PSD3: variants seen among roughly 807,000 people sequenced by gnomAD.
PSD3 encodes pleckstrin and Sec7 domain containing 3.
PSD3 carries 49 observed loss-of-function variants against 105.5 expected under a neutral mutation model. The ratio of observed to expected loss-of-function variants is 0.46; its 90% CI spans 0.37 to 0.59. PSD3 has a LOEUF of 0.59. Among genes scored for constraint, PSD3 ranks in the 20% least tolerant of loss-of-function variants. PSD3 has a pLI of 0.00. For synonymous variants in PSD3, 557 were observed against 457.8 expected, an observed-to-expected ratio of 1.22 and a Z score of -2.77; for missense variants, 1,561 against 1,263.8, an observed-to-expected ratio of 1.24 and a Z score of -3.57.
At chr8:18,834,708 G>C (rs941668142) in intron 4 of PSD3, among the ~76,000 whole-genome samples, 1 of 152,168 alleles carries the variant, frequency 6.6e-6, no homozygotes, top group African/African-American at 2.4e-5. Context: ...GTAGAATGAA[G>C]AGTTATATAG....
intron 1 of PSD3, among the ~76,000 whole-genome samples, chr8:19,007,831 A>AT (rs1317213479): frequency 6.6e-6 from 1 of 151,920 alleles, no homozygotes; most frequent in Non-Finnish European, 1.5e-5. Context: ...TTCAAGGGAG[A>AT]TTTTTTATTT....
At chr8:18,803,893 C>A (rs758736190) in intron 6 of PSD3, among the ~76,000 whole-genome samples, 2 of 151,902 alleles carry the variant, frequency 1.3e-5, no homozygotes, top group Admixed American at 6.6e-5. Context: ...GTTTTTAATG[C>A]CACTCATTGT....
At chr8:18,631,774 C>A (rs868142760) in intron 11 of PSD3, among the ~76,000 whole-genome samples, 14 of 151,900 alleles carry the variant, frequency 9.2e-5, no homozygotes, top group African/African-American at 2.7e-4. Flanking sequence ...GTCAAAGCCA[C>A]CCCACTGCAA....
chr8:18,584,934 T>C (rs1485712128), intron 12 of PSD3, among the ~76,000 whole-genome samples: 10 of 152,182 alleles, frequency 6.6e-5, no homozygotes, highest in East Asian at 1.9e-4. Context: ...CGGAGGCATG[T>C]GTCTGATCTT....
intron 9 of PSD3, among the ~76,000 whole-genome samples, chr8:18,657,396 T>C (rs540126845): frequency 6.6e-6 from 1 of 152,240 alleles, no homozygotes; most frequent in Non-Finnish European, 1.5e-5. Context: ...AAGTTCTCAA[T>C]TGTGGCTTCA....
rs1001831028 is a variant in PSD3, at chr8:18,603,796, G to A, written c.2411-3362C>T. Among the ~76,000 whole-genome samples the A allele has an allele frequency of 6.6e-5, 10 of 152,100 alleles. No homozygotes were observed. The East Asian group carries it at 7.7e-4, about 12-fold the overall frequency. ...GTTGTTTAAAAGTGTGTAGCACCTC[G>A]CCCAGTTTGCTTGCTCCTTCTCTGG... On this transcript the variant is annotated intron_variant, in intron 11 of 15. Coordinates refer to ENST00000327040, the MANE Select transcript of PSD3 (RefSeq NM_015310.4).
chr8:19,069,050 A>T (rs534719629), intron 1 of PSD3, among the ~76,000 whole-genome samples: 33 of 152,248 alleles, frequency 2.2e-4, no homozygotes, highest in Admixed American at 2.0e-3. Context: ...GGCTATTCAA[A>T]CTAACGTCAA....
At chr8:18,800,070 T>C (rs1402104479) in intron 7 of PSD3, among the ~76,000 whole-genome samples, 1 of 152,222 alleles carries the variant, frequency 6.6e-6, no homozygotes, top group Non-Finnish European at 1.5e-5. Flanking sequence ...AGTACCACTT[T>C]ATTATCACAA....
intron 1 of PSD3, among the ~76,000 whole-genome samples, chr8:19,046,896 A>T (rs1828337596): frequency 6.6e-6 from 1 of 152,196 alleles, no homozygotes. Flanking sequence ...CAGCAGCAAA[A>T]TTCTCAAGTT....
At chr8:18,596,809 T>A (rs956190697) in intron 12 of PSD3, among the ~76,000 whole-genome samples, 4 of 152,054 alleles carry the variant, frequency 2.6e-5, no homozygotes, top group African/African-American at 9.7e-5. Context: ...TCTGTAATAA[T>A]AAGGGGATTG....
intron 1 of PSD3, chr8:18,999,934 T>C (rs1286680671): frequency 6.6e-6 from 1 of 151,032 alleles, no homozygotes; most frequent in Non-Finnish European, 1.5e-5. Context: ...GCCTGTCAAG[T>C]TCTTTTAAAT....
At chr8:18,678,009 C>CAAAAA (rs11404371) in intron 9 of PSD3, among the ~76,000 whole-genome samples, 7 of 134,800 alleles carry the variant, frequency 5.2e-5, no homozygotes, top group East Asian at 4.3e-4. Flanking sequence ...GACTCTGTCT[C>CAAAAA]AAAAAAAAAA....
At chr8:18,577,771 T>A (rs184377567) in intron 12 of PSD3, among the ~76,000 whole-genome samples, 14 of 152,196 alleles carry the variant, frequency 9.2e-5, no homozygotes, top group Non-Finnish European at 1.5e-4. Context: ...GTGTTATGCA[T>A]TTTCTGTTTC....
chr8:18,917,544 G>A (rs868539948), intron 2 of PSD3, among the ~76,000 whole-genome samples: 6 of 152,104 alleles, frequency 3.9e-5, no homozygotes, highest in Admixed American at 6.5e-5. Flanking sequence ...AAATAACACT[G>A]TTTTGTTATA....
chr8:19,028,288 C>CG (rs747619068), intron 1 of PSD3, among the ~76,000 whole-genome samples: 11 of 110,678 alleles, frequency 9.9e-5, no homozygotes, highest in Admixed American at 9.5e-4. Context: ...ACCCCCCCCC[C>CG]CCGGCCCACC....
At chr8:18,781,797 T>A (rs973574639) in intron 8 of PSD3, among the ~76,000 whole-genome samples, 1 of 152,200 alleles carries the variant, frequency 6.6e-6, no homozygotes, top group Non-Finnish European at 1.5e-5. Context: ...GGGTTTTCTA[T>A]GCCATTACCC....
intron 8 of PSD3, among the ~76,000 whole-genome samples, chr8:18,788,636 C>A (rs1025327211): frequency 6.6e-6 from 1 of 152,130 alleles, no homozygotes; most frequent in Non-Finnish European, 1.5e-5. Flanking sequence ...TTGCGGAAAA[C>A]GTGCTTTTGG....
At chr8:18,652,494 T>TTTG (rs1554531855) in intron 10 of PSD3, among the ~76,000 whole-genome samples, 1 of 19,462 alleles carries the variant, frequency 5.1e-5, no homozygotes, top group African/African-American at 1.4e-4. Flanking sequence ...AAAAGCTTAG[T>TTTG]TTTTTTTTTT....
At chr8:18,950,707 A>C (rs541812203) in intron 1 of PSD3, among the ~76,000 whole-genome samples, 1 of 152,262 alleles carries the variant, frequency 6.6e-6, no homozygotes, top group African/African-American at 2.4e-5. Context: ...TACAACTATA[A>C]CTTATCAATT....
Sources: gnomAD v4.1 joint callset for allele counts (sites outside exome capture counted in the v4.1 genomes callset) on GRCh38, gnomAD v4.1.1 for gene constraint, MANE v1.5 for transcripts, NCBI Gene and HGNC (gene_info 2026-07-23, HGNC 2026-07-21) for gene names.